Variants in NR3C2 observed in about 807,000 individuals in gnomAD.
NR3C2 encodes mineralocorticoid receptor.
NR3C2 carries 15 observed loss-of-function variants against 86.4 expected under a neutral mutation model. The ratio of observed to expected loss-of-function variants is 0.17; its 90% CI spans 0.12 to 0.27. The LOEUF (loss-of-function observed/expected upper bound fraction) is 0.27. Ranked by LOEUF, NR3C2 falls within the 10% of genes least tolerant of loss-of-function variation. The pLI, the probability that NR3C2 is intolerant of heterozygous loss-of-function variation, is 1.00. For synonymous variants in NR3C2, 458 were observed against 450.5 expected (o/e 1.02, Z -0.21); for missense variants, 960 against 1,195.6 (o/e 0.80, Z 2.91).
chr4:148,320,534 A>C (rs1579152864), intron 2 of NR3C2, among the ~76,000 whole-genome samples: 1 of 142,090 alleles, frequency 7.0e-6, no homozygotes, highest in East Asian at 2.1e-4. Context: ...TAAGCTATTG[A>C]TTATTGCCAC....
intron 4 of NR3C2, among the ~76,000 whole-genome samples, chr4:148,155,977 T>C (rs1218244392): frequency 6.6e-6 from 1 of 152,162 alleles, no homozygotes; most frequent in Non-Finnish European, 1.5e-5. Context: ...AACTATCTGA[T>C]CTTTGACAAA....
At chr4:148,165,417 C>T (rs1010364617) in intron 4 of NR3C2, among the ~76,000 whole-genome samples, 1 of 151,838 alleles carries the variant, frequency 6.6e-6, no homozygotes, top group Non-Finnish European at 1.5e-5. Flanking sequence ...ATATATACAC[C>T]AGGAAAGAGT....
At chr4:148,230,106 C>T (rs1437355670) in intron 3 of NR3C2, among the ~76,000 whole-genome samples, 2 of 152,218 alleles carry the variant, frequency 1.3e-5, no homozygotes, top group Non-Finnish European at 2.9e-5. Flanking sequence ...TGAGAAGCCA[C>T]ATAAGCTCTA....
intron 2 of NR3C2, among the ~76,000 whole-genome samples, chr4:148,366,343 G>A (rs1397915409): frequency 7.1e-6 from 1 of 141,006 alleles, no homozygotes; most frequent in African/African-American, 2.6e-5. Context: ...CCTGGCTTCA[G>A]CAGAACCTGT....
At chr4:148,256,005 G>C (rs1425319940) in intron 3 of NR3C2, among the ~76,000 whole-genome samples, 2 of 152,216 alleles carry the variant, frequency 1.3e-5, no homozygotes, top group Non-Finnish European at 2.9e-5. Context: ...AGCCTTGCTA[G>C]ATTATTGAGA....
intron 3 of NR3C2, among the ~76,000 whole-genome samples, chr4:148,255,509 G>A (rs1739789020): frequency 6.6e-6 from 1 of 152,140 alleles, no homozygotes; most frequent in Non-Finnish European, 1.5e-5. Context: ...GTGTGAGTGT[G>A]GAAACTGACA....
chr4:148,430,773 G>C (rs1749765798), intron 2 of NR3C2, among the ~76,000 whole-genome samples: 1 of 151,972 alleles, frequency 6.6e-6, no homozygotes, highest in Non-Finnish European at 1.5e-5. Context: ...TTTAGTAAAA[G>C]GGCAAACTTT....
At chr4:148,366,480 T>TTTTAAA (rs1561066887) in intron 2 of NR3C2, among the ~76,000 whole-genome samples, 3 of 19,360 alleles carry the variant, frequency 1.5e-4, no homozygotes, top group African/African-American at 6.6e-4. Context: ...TAAAAAGTAC[T>TTTTAAA]CAGCACTTTT....
chr4:148,324,871 T>C (rs906949530), intron 2 of NR3C2, among the ~76,000 whole-genome samples: 15 of 152,196 alleles, frequency 9.9e-5, no homozygotes, highest in African/African-American at 3.6e-4. Context: ...ATCGTAGAAA[T>C]CTTTTTGTTG....
chr4:148,188,861 C>T lies in NR3C2; in HGVS notation c.2014+5885G>A, dbSNP rs557688756. On this transcript the variant is annotated intron_variant, in intron 4 of 8. Transcript: ENST00000358102. The stretch of plus-strand genomic sequence containing the variant: ...TTTTCCCGATTCAGTATCATGTTGG[C>T]TGTGGGTTTCTCACAGAAGGCTTTT... Among the ~76,000 whole-genome samples the T allele has an allele frequency of 2.6e-5, 4 of 151,224 alleles. No homozygotes were observed. In the South Asian group the frequency reaches 8.4e-4, roughly 32 times the overall value.
chr4:148,152,385 T>C, intron 6 of NR3C2, 84 bp downstream of exon 6: 1 of 1,465,334 alleles, frequency 6.8e-7, no homozygotes, highest in Non-Finnish European at 9.5e-7. Flanking sequence ...TTCACCAACG[T>C]ACATCTGTTT....
intron 3 of NR3C2, among the ~76,000 whole-genome samples, chr4:148,206,947 G>C (rs1438707472): frequency 6.6e-6 from 1 of 151,864 alleles, no homozygotes; most frequent in Non-Finnish European, 1.5e-5. Context: ...TTTGAGATAG[G>C]GTCTTTCTCT....
intron 2 of NR3C2, among the ~76,000 whole-genome samples, chr4:148,421,670 T>C (rs1397538050): frequency 6.6e-6 from 1 of 152,216 alleles, no homozygotes; most frequent in Admixed American, 6.5e-5. Context: ...TAATTTTAAC[T>C]TGTTTTATGT....
chr4:148,273,809 A>G (rs184316354), intron 2 of NR3C2, among the ~76,000 whole-genome samples: 1 of 152,330 alleles, frequency 6.6e-6, no homozygotes, highest in East Asian at 1.9e-4. Flanking sequence ...ACTAAGGCAA[A>G]GCTCCAAGTT....
In NR3C2 at chr4:148,436,833, G is replaced by A; in HGVS notation, c.28C>T (p.Pro10Ser). The A allele has an allele frequency of 1.2e-6, 2 of 1,611,254 alleles. No individual in the cohort carries two copies. The highest frequency in any genetic ancestry group is 8.5e-7 in the Non-Finnish European group (1 of 1,179,952). Residue 10 changes from proline (P) to serine (S), a missense_variant, in exon 2 of 9, where the codon CCT becomes TCT. Physicochemically the swap from Pro to Ser is moderately conservative, Grantham distance 74. Coordinates refer to ENST00000358102, the MANE Select transcript of NR3C2 (RefSeq NM_000901.5). ...CGTCTTTCCATATCTAGACCTTCAG[G>A]GAGACTGTGGTAGCCTTTGGTCTCC... METKGYHSLPEGLDMERRWG... is the reference protein window; with the variant it reads METKGYHSLSEGLDMERRWG...
intron 2 of NR3C2, among the ~76,000 whole-genome samples, chr4:148,420,966 A>C (rs1287623219): frequency 6.6e-6 from 1 of 152,176 alleles, no homozygotes; most frequent in Non-Finnish European, 1.5e-5. Context: ...CAGAAGTACG[A>C]GCCAATTACC....
intron 2 of NR3C2, among the ~76,000 whole-genome samples, chr4:148,278,340 T>A (rs553475743): frequency 3.9e-5 from 6 of 152,284 alleles, no homozygotes; most frequent in Non-Finnish European, 7.3e-5. Context: ...CCTCAAGCGA[T>A]CTGCCAGCCT....
intron 6 of NR3C2, among the ~76,000 whole-genome samples, chr4:148,130,379 T>A (rs1202531268): frequency 3.3e-5 from 5 of 152,244 alleles, no homozygotes; most frequent in Non-Finnish European, 7.3e-5. Context: ...AAACGTAAGA[T>A]CCTTTAGTAA....
intron 3 of NR3C2, among the ~76,000 whole-genome samples, chr4:148,198,904 C>T (rs1579002759): frequency 6.6e-6 from 1 of 151,442 alleles, no homozygotes; most frequent in East Asian, 2.0e-4. Flanking sequence ...CACGGTGACA[C>T]CCCATCTCTA....
Sources: gnomAD v4.1 joint callset for allele counts (sites outside exome capture counted in the v4.1 genomes callset) on GRCh38, gnomAD v4.1.1 for gene constraint, MANE v1.5 for transcripts, NCBI Gene and HGNC (gene_info 2026-07-23, HGNC 2026-07-21) for gene names.